The following DPP10 variants were observed in gnomAD, a reference collection of about 807,000 sequenced individuals.
The protein encoded by DPP10 is inactive dipeptidyl peptidase 10.
Under a neutral mutation model 120.9 loss-of-function variants are expected in DPP10, and 33 were observed. The ratio of observed to expected loss-of-function variants is 0.27; its 90% CI spans 0.21 to 0.37. The LOEUF is 0.37. DPP10 is among the 10% of genes least tolerant of loss of function. The pLI is 1.00. For missense variants in DPP10, 816 were observed against 942.8 expected, an observed-to-expected ratio of 0.87 and a Z score of 1.76; for synonymous variants, 337 against 326.1, an observed-to-expected ratio of 1.03 and a Z score of -0.36.
intron 5 of DPP10, among the ~76,000 whole-genome samples, chr2:115,619,318 G>A (rs1049050969): frequency 1.3e-5 from 2 of 151,274 alleles, no homozygotes; most frequent in South Asian, 2.1e-4. Context: ...CTCATGATCC[G>A]CCCGCGTCGG....
Position 115,768,941 on chromosome 2 carries a change from C to T in DPP10, c.1221+537C>T, listed in dbSNP as rs189674147. Among the ~76,000 whole-genome samples the T allele has an allele frequency of 3.4e-3, 518 of 150,974 alleles. 2 individuals are homozygous for T. Among genetic ancestry groups the T allele is most frequent in the Non-Finnish European group, 6.2e-3 (419 of 67,736 alleles). On this transcript the variant is annotated intron_variant, in intron 13 of 25. Coordinates refer to ENST00000410059, the MANE Select transcript of DPP10 (RefSeq NM_020868.6). ...TAGATTTCATGTTGTAAAATATAAT[C>T]TATGTTTTTTTTTTAGACTTTCCGA...
chr2:114,937,001 T>C (rs1696535916), intron 1 of DPP10, among the ~76,000 whole-genome samples: 1 of 152,214 alleles, frequency 6.6e-6, no homozygotes, highest in African/African-American at 2.4e-5. Flanking sequence ...TAGTCCTTTG[T>C]CGGATGTATA....
chr2:115,205,531 A>G (rs560869381), intron 1 of DPP10, among the ~76,000 whole-genome samples: 11 of 152,308 alleles, frequency 7.2e-5, no homozygotes, highest in Non-Finnish European at 1.5e-4. Flanking sequence ...TACTTTGTAT[A>G]TACCCAAAGG....
chr2:115,068,523 C>A (rs1707112854), intron 1 of DPP10, among the ~76,000 whole-genome samples: 1 of 152,064 alleles, frequency 6.6e-6, no homozygotes, highest in African/African-American at 2.4e-5. Flanking sequence ...TAGGTTGCCT[C>A]TTCATTATGC....
intron 3 of DPP10, among the ~76,000 whole-genome samples, chr2:115,432,056 A>G (rs75722481): frequency 0.047 from 7,144 of 152,252 alleles, 239 homozygotes; most frequent in Middle Eastern, 0.078. Flanking sequence ...TAAATTACCC[A>G]TACTCCAGAT....
intron 1 of DPP10, among the ~76,000 whole-genome samples, chr2:115,150,085 A>G (rs1374788438): frequency 6.6e-6 from 1 of 152,178 alleles, no homozygotes; most frequent in Non-Finnish European, 1.5e-5. Flanking sequence ...AGAAAGGAGA[A>G]TAGATAGAAA....
chr2:114,805,093 C>G (rs1379893866), intron 1 of DPP10, among the ~76,000 whole-genome samples: 1 of 152,068 alleles, frequency 6.6e-6, no homozygotes, highest in East Asian at 1.9e-4. Flanking sequence ...GGGGTTTCCA[C>G]TTTGGCTTCT....
intron 1 of DPP10, among the ~76,000 whole-genome samples, chr2:114,724,547 G>A (rs191383722): frequency 1.3e-5 from 2 of 152,264 alleles, no homozygotes; most frequent in African/African-American, 2.4e-5. Flanking sequence ...GCCGGTTTGG[G>A]GGGTATGAGG....
chr2:114,919,254 A>G (rs1197984311), intron 1 of DPP10, among the ~76,000 whole-genome samples: 1 of 152,154 alleles, frequency 6.6e-6, no homozygotes, highest in Admixed American at 6.6e-5. Flanking sequence ...GGATGTGCAT[A>G]TCTCTGGCTA....
At chr2:114,922,898 G>A (rs1262296294) in intron 1 of DPP10, among the ~76,000 whole-genome samples, 4 of 151,928 alleles carry the variant, frequency 2.6e-5, no homozygotes, top group Non-Finnish European at 2.9e-5. Flanking sequence ...ATTTTTCTTA[G>A]GTGTATACCT....
At chr2:114,705,003 C>T (rs1027119779) in intron 1 of DPP10, among the ~76,000 whole-genome samples, 1 of 152,142 alleles carries the variant, frequency 6.6e-6, no homozygotes, top group Non-Finnish European at 1.5e-5. Context: ...CAAAACCAAC[C>T]CTGCCAATGC....
chr2:114,943,230 C>T (rs1444720464), intron 1 of DPP10, among the ~76,000 whole-genome samples: 3 of 152,130 alleles, frequency 2.0e-5, no homozygotes, highest in East Asian at 1.9e-4. Context: ...GACACGAACT[C>T]ATCCGTTTTT....
intron 1 of DPP10, among the ~76,000 whole-genome samples, chr2:115,155,187 A>C (rs1453891609): frequency 1.3e-5 from 2 of 151,990 alleles, no homozygotes; most frequent in East Asian, 3.9e-4. Context: ...GGGCTATTAT[A>C]TTTAATTGCA....
chr2:115,177,825 G>A (rs923311953), intron 1 of DPP10, among the ~76,000 whole-genome samples: 41 of 152,096 alleles, frequency 2.7e-4, no homozygotes, highest in African/African-American at 9.2e-4. Flanking sequence ...GTACAGTGGC[G>A]CGATCTCTGC....
chr2:115,321,494 C>T (rs2062055966), intron 2 of DPP10, among the ~76,000 whole-genome samples: 1 of 145,402 alleles, frequency 6.9e-6, no homozygotes, highest in South Asian at 2.2e-4. Flanking sequence ...TATAATGTGT[C>T]TCAGAATGCA....
intron 5 of DPP10, among the ~76,000 whole-genome samples, chr2:115,534,658 T>C (rs1439221083): frequency 6.6e-6 from 1 of 151,794 alleles, no homozygotes; most frequent in Non-Finnish European, 1.5e-5. Context: ...ATGGTATTTC[T>C]AGTTCTAGAT....
At position 114,460,213 on chromosome 2, in the gene DPP10, C is replaced by A. The variant is rs1016008743; in HGVS notation, c.60+17375C>A. Among the ~76,000 whole-genome samples the A allele has an allele frequency of 3.1e-5, 4 of 129,648 alleles. No homozygotes were observed. In the South Asian group the frequency reaches 1.0e-3, roughly 32 times the overall value. The allele number at this position is 129,648 out of a possible 152,430, so 85.1% of individuals were successfully genotyped here. ...TCTATCTATCTATCTATCTATCTAT[C>A]TATCTATCTATTCTAAGAGCATATG... On this transcript the variant is annotated intron_variant, in intron 1 of 25. Transcript: ENST00000410059.
At chr2:114,860,874 G>A (rs946270400) in intron 1 of DPP10, among the ~76,000 whole-genome samples, 28 of 152,092 alleles carry the variant, frequency 1.8e-4, no homozygotes, top group African/African-American at 5.8e-4. Context: ...CCTGAGCCAC[G>A]AGCTGCTCCT....
At chr2:114,993,586 A>G (rs1363279239) in intron 1 of DPP10, among the ~76,000 whole-genome samples, 1 of 135,888 alleles carries the variant, frequency 7.4e-6, no homozygotes. Flanking sequence ...GTGTGTATAT[A>G]TATATATATA....
Sources: gnomAD v4.1 joint callset for allele counts (sites outside exome capture counted in the v4.1 genomes callset) on GRCh38, gnomAD v4.1.1 for gene constraint, MANE v1.5 for transcripts, NCBI Gene and HGNC (gene_info 2026-07-23, HGNC 2026-07-21) for gene names.